RELN: variants seen among roughly 807,000 people sequenced by gnomAD.
The protein encoded by RELN is reelin.
Under a neutral mutation model 427.6 loss-of-function variants are expected in RELN, and 108 were observed. The observed-to-expected ratio is 0.25, with a 90% CI of 0.22 to 0.30. The LOEUF is 0.30. Ranked by LOEUF, RELN falls within the 10% of genes least tolerant of loss-of-function variation. RELN has a pLI of 1.00. For synonymous variants in RELN, 1,524 were observed against 1,513.4 expected, an observed-to-expected ratio of 1.01 and a Z score of -0.16; for missense variants, 3,715 against 4,302.8, an observed-to-expected ratio of 0.86 and a Z score of 3.82.
chr7:103,708,959 G>A (rs1318848972), intron 8 of RELN, among the ~76,000 whole-genome samples: 1 of 152,112 alleles, frequency 6.6e-6, no homozygotes, highest in East Asian at 1.9e-4. Context: ...TCACCAGAAT[G>A]TTGGCCCCTC....
chr7:103,843,885 G>A (rs887356487), intron 2 of RELN, among the ~76,000 whole-genome samples: 2 of 152,178 alleles, frequency 1.3e-5, no homozygotes, highest in African/African-American at 4.8e-5. Flanking sequence ...TATCTCTGCT[G>A]CCTTCTCTCC....
chr7:103,764,733 G>A (rs1262454328), intron 4 of RELN, among the ~76,000 whole-genome samples: 1 of 151,618 alleles, frequency 6.6e-6, no homozygotes, highest in Non-Finnish European at 1.5e-5. Flanking sequence ...CTACTCGGGA[G>A]GCTGAGGTAG....
Position 103,988,509 on chromosome 7 carries a change from C to A in RELN, c.226+622G>T, listed in dbSNP as rs1408063319. 6.6e-6 allele frequency among the ~76,000 whole-genome samples: 1 copy of A among 152,178 alleles called. No homozygotes were observed. Among genetic ancestry groups the A allele is most frequent in the Non-Finnish European group, 1.5e-5 (1 of 68,034 alleles). On this transcript the variant is annotated intron_variant, in intron 1 of 64. Coordinates refer to ENST00000428762, the MANE Select transcript of RELN (RefSeq NM_005045.4). This position sits in a 1 kb window ranked among gnomAD's most constrained non-coding sequence, Gnocchi z 4.9. ...GTAAGGCAGGAATCAGAAAAATCAT[C>A]AATTACTGACATATTAAATCACACT...
chr7:103,690,693 A>G (rs1047849633), intron 10 of RELN, among the ~76,000 whole-genome samples: 1 of 152,272 alleles, frequency 6.6e-6, no homozygotes, highest in East Asian at 1.9e-4. Flanking sequence ...TGCTGAGTGC[A>G]TGAGCTGCTT....
Position 103,542,803 on chromosome 7 carries a change from C to T in RELN, c.6599G>A (p.Gly2200Glu). The change falls in exon 43 of 65, where the codon GGA (glycine) becomes GAA (glutamate). Residue 2200 changes from glycine (G) to glutamate (E), a missense_variant. Physicochemically the swap from Gly to Glu is moderately conservative, Grantham distance 98 (BLOSUM62 -2). This residue lies in a region of RELN where 1,310 missense variants were observed against 1,643.0 expected (regional missense o/e 0.80). Coordinates refer to ENST00000428762, the MANE Select transcript of RELN (RefSeq NM_005045.4). Reference protein sequence around the residue: ...PSRKCGILSSGNNLFFNEDGL... With the variant: ...PSRKCGILSSENNLFFNEDGL... Reference sequence around the variant, plus strand: ...ATCTTCATTGAAAAAGAGGTTGTTTCCACTAGAAAGGATTCCACACTTTCG... The same window carrying T: ...ATCTTCATTGAAAAAGAGGTTGTTTTCACTAGAAAGGATTCCACACTTTCG... 6.2e-7 allele frequency: 1 copy of T among 1,614,058 alleles called. No homozygotes were observed. Among genetic ancestry groups the T allele is most frequent in the East Asian group, 2.2e-5 (1 of 44,856 alleles).
intron 51 of RELN, among the ~76,000 whole-genome samples, chr7:103,509,039 T>C (rs1313771881): frequency 2.0e-5 from 3 of 152,214 alleles, no homozygotes; most frequent in Non-Finnish European, 1.5e-5. Context: ...TCTATGCCCA[T>C]GGTTAGGAAG....
intron 49 of RELN, 147 bp downstream of exon 49, chr7:103,519,176 C>T: frequency 3.1e-6 from 2 of 652,186 alleles, no homozygotes; most frequent in South Asian, 1.8e-5. Flanking sequence ...GCTATTTATC[C>T]AGCTCAGAAA....
chr7:103,920,606 C>G (rs1584368511), intron 1 of RELN, among the ~76,000 whole-genome samples: 1 of 141,086 alleles, frequency 7.1e-6, no homozygotes, highest in Non-Finnish European at 1.5e-5. Flanking sequence ...GAGAGTCTCG[C>G]TCTCTTACCC....
chr7:103,874,606 A>G (rs1384887943), intron 2 of RELN, among the ~76,000 whole-genome samples: 1 of 145,936 alleles, frequency 6.9e-6, no homozygotes, highest in African/African-American at 2.5e-5. Context: ...TCCCATTCAC[A>G]ATTGCTTCAA....
intron 4 of RELN, among the ~76,000 whole-genome samples, chr7:103,772,363 T>A (rs888510333): frequency 2.0e-5 from 3 of 152,208 alleles, no homozygotes; most frequent in African/African-American, 7.2e-5. Flanking sequence ...AGTAAGTTGC[T>A]CTCCCTGTGC....
At chr7:103,505,953 T>C (rs1353145777) in intron 51 of RELN, among the ~76,000 whole-genome samples, 1 of 152,076 alleles carries the variant, frequency 6.6e-6, no homozygotes, top group Non-Finnish European at 1.5e-5. Context: ...TACACAAGTA[T>C]CAATAGCCGA....
rs536754118 is a variant in RELN at position 103,655,900 on chromosome 7, T to C, written c.1442-1695A>G. Among the ~76,000 whole-genome samples the C allele has an allele frequency of 2.0e-5, 3 of 152,220 alleles. 1 individual carries two copies. Among genetic ancestry groups the C allele is most frequent in the Admixed American group, 2.0e-4 (3 of 15,274 alleles). On this transcript the variant is annotated intron_variant, in intron 12 of 64. Coordinates refer to ENST00000428762, the MANE Select transcript of RELN (RefSeq NM_005045.4). ...TATATCTTTTTTGATCCCATAAACATTGATTATTCCCTCATGCTTAGCAGT... is the reference window on the plus strand; with the variant it reads ...TATATCTTTTTTGATCCCATAAACACTGATTATTCCCTCATGCTTAGCAGT...
intron 6 of RELN, among the ~76,000 whole-genome samples, chr7:103,744,979 C>T (rs985892121): frequency 2.3e-4 from 35 of 152,296 alleles, no homozygotes; most frequent in African/African-American, 8.4e-4. Flanking sequence ...TAATTTTAGA[C>T]CAATATCCTT....
chr7:103,808,241 T>A (rs550668042), intron 3 of RELN, among the ~76,000 whole-genome samples: 1 of 138,632 alleles, frequency 7.2e-6, no homozygotes, highest in African/African-American at 2.7e-5. Flanking sequence ...AAGGGGAACA[T>A]CACACACTGG....
chr7:103,532,748 C>T (rs1829969165), intron 46 of RELN, among the ~76,000 whole-genome samples: 1 of 152,098 alleles, frequency 6.6e-6, no homozygotes, highest in Non-Finnish European at 1.5e-5. Flanking sequence ...TTGTATTCAA[C>T]CTTCATATCT....
chr7:103,522,508 T>A (rs1348372865), intron 47 of RELN, among the ~76,000 whole-genome samples: 1 of 152,122 alleles, frequency 6.6e-6, no homozygotes, highest in Non-Finnish European at 1.5e-5. Context: ...TGATAAACAA[T>A]GGGAGCTGCC....
chr7:103,792,579 T>A (rs928309476), intron 3 of RELN, among the ~76,000 whole-genome samples: 1 of 74,608 alleles, frequency 1.3e-5, no homozygotes, highest in African/African-American at 5.0e-5. Context: ...GATGGGGGGA[T>A]GGGGAAATGT....
chr7:103,475,438 C>T (rs1030447489), intron 64 of RELN, among the ~76,000 whole-genome samples: 3 of 152,106 alleles, frequency 2.0e-5, no homozygotes, highest in African/African-American at 7.2e-5. Context: ...TGGATTCCTG[C>T]TGTAAATCAT....
chr7:103,964,603 T>A (rs1796625889), intron 1 of RELN, among the ~76,000 whole-genome samples: 1 of 152,244 alleles, frequency 6.6e-6, no homozygotes. Flanking sequence ...AATTTTTGCC[T>A]GTGTAAAGGC....
Sources: allele counts gnomAD v4.1 joint callset (sites outside exome capture counted in the v4.1 genomes callset), GRCh38; gene constraint gnomAD v4.1.1; regional missense constraint gnomAD v4.1.1; non-coding constraint Gnocchi (gnomAD v3.1); transcripts MANE v1.5; gene names NCBI Gene and HGNC (gene_info 2026-07-23, HGNC 2026-07-21).